The following SPTBN1 variants were observed in gnomAD, a reference collection of about 807,000 sequenced individuals.
SPTBN1 encodes spectrin beta, non-erythrocytic 1, also known as spectrin beta chain, non-erythrocytic 1.
Under a neutral mutation model 266.4 loss-of-function variants are expected in SPTBN1, and 32 were observed. The observed-to-expected ratio is 0.12, with a 90% CI of 0.09 to 0.16. The LOEUF (loss-of-function observed/expected upper bound fraction) is 0.16, where lower values mean the gene tolerates loss of function less well. Among genes scored for constraint, SPTBN1 ranks in the 10% least tolerant of loss-of-function variants. SPTBN1 has a pLI of 1.00. For missense variants in SPTBN1, 2,296 were observed against 3,067.1 expected, an observed-to-expected ratio of 0.75 and a Z score of 5.94; for synonymous variants, 1,336 against 1,162.2, an observed-to-expected ratio of 1.15 and a Z score of -3.04.
chr2:54,531,501 A>G (rs1226895389), intron 2 of SPTBN1, among the ~76,000 whole-genome samples: 1 of 152,070 alleles, frequency 6.6e-6, no homozygotes, highest in Non-Finnish European at 1.5e-5. Flanking sequence ...ATAGCTAACT[A>G]CAGCCTTGAA....
Position 54,653,496 on chromosome 2 carries a change from A to G in SPTBN1, c.5578-113A>G. The G allele has an allele frequency of 6.7e-7, 1 of 1,498,728 alleles. No individual in the cohort carries two copies. The allele number at this position is 1,498,728 out of a possible 1,614,324, so 92.8% of individuals were successfully genotyped here. A position where few individuals can be genotyped will look rare whatever the true frequency, so the allele number is the denominator to read the frequency against. ...GAGGGCTCCTTAAGGGGCATGGGCCATATTTTGACTCTGTGCTCCCTTTAG... is the reference window on the plus strand; with the variant it reads ...GAGGGCTCCTTAAGGGGCATGGGCCGTATTTTGACTCTGTGCTCCCTTTAG... On this transcript the variant is annotated intron_variant, in intron 26 of 35. Transcript: ENST00000356805. This position sits in a 1 kb window ranked among gnomAD's most constrained non-coding sequence, Gnocchi z 5.1.
chr2:54,476,144 T>C (rs1667818199), intron 1 of SPTBN1, among the ~76,000 whole-genome samples: 1 of 152,108 alleles, frequency 6.6e-6, no homozygotes, highest in East Asian at 1.9e-4. Flanking sequence ...ATGCGTATTT[T>C]CCACTCATGT....
At chr2:54,606,098 G>T (rs1676823174) in intron 3 of SPTBN1, among the ~76,000 whole-genome samples, 2 of 152,190 alleles carry the variant, frequency 1.3e-5, no homozygotes, top group Admixed American at 6.5e-5. Flanking sequence ...TTTCCTGTTT[G>T]TGGGGAGGAG....
chr2:54,590,807 CG>C (rs1424816855), intron 2 of SPTBN1, among the ~76,000 whole-genome samples: 1 of 152,138 alleles, frequency 6.6e-6, no homozygotes, highest in Non-Finnish European at 1.5e-5. Flanking sequence ...TAGGAGAGCC[CG>C]TTTGGGACCT....
intron 1 of SPTBN1, among the ~76,000 whole-genome samples, chr2:54,514,665 G>T (rs748568206): frequency 2.0e-5 from 3 of 152,210 alleles, no homozygotes; most frequent in Non-Finnish European, 4.4e-5. Flanking sequence ...CCCATGATAT[G>T]TGAAATTCTA....
chr2:54,585,295 T>C (rs929957874), intron 2 of SPTBN1, among the ~76,000 whole-genome samples: 6 of 152,220 alleles, frequency 3.9e-5, no homozygotes, highest in Non-Finnish European at 8.8e-5. Context: ...AATACTCTTG[T>C]GTTCTATGAA....
In SPTBN1 at chr2:54,649,881, C is replaced by T. The variant is rs908970224; in HGVS notation, c.5469C>T (p.Asp1823=). The part of the protein sequence containing the change: ...DAKEIFGRIQ[D]KHKKLPEELG... ...AGGAGATCTTTGGGCGTATACAGGACAAACACAAGAAACTCCCTGAGGAGC... is the reference window on the plus strand; with the variant it reads ...AGGAGATCTTTGGGCGTATACAGGATAAACACAAGAAACTCCCTGAGGAGC... The change falls in exon 26 of 36, where the codon GAC becomes GAT. Residue 1823 remains aspartate (D), a synonymous_variant. Transcript: ENST00000356805. The surrounding 1 kb of genome is among the most constrained non-coding windows in gnomAD (Gnocchi z 6.7). 1 of 1,614,078 alleles carries T rather than the reference C, an allele frequency of 6.2e-7. No individual in the cohort carries two copies. Among genetic ancestry groups the T allele is most frequent in the Admixed American group, 1.7e-5 (1 of 60,002 alleles).
intron 17 of SPTBN1, 138 bp from the exon 18 acceptor site, chr2:54,637,575 C>G (rs1479073699): frequency 1.5e-6 from 1 of 675,604 alleles, no homozygotes; most frequent in African/African-American, 1.8e-5. Flanking sequence ...TTTATCTTGT[C>G]TCCTTCACAT....
intron 9 of SPTBN1, among the ~76,000 whole-genome samples, chr2:54,622,909 A>G (rs1284288192): frequency 6.6e-6 from 1 of 152,248 alleles, no homozygotes; most frequent in Non-Finnish European, 1.5e-5. Flanking sequence ...AAATATTCAC[A>G]TTGCATTAGA....
rs1321555540 is a variant in SPTBN1 at position 54,466,557 on chromosome 2, G to A, written c.-48+10039G>A. On this transcript the variant is annotated intron_variant, in intron 1 of 35. Transcript: ENST00000356805. The stretch of plus-strand genomic sequence containing the variant: ...AGCCTGGGCGACAGAGCGAGACTCC[G>A]TCTCAAAAAAAAAAAAAAAAAAAAA... Among the ~76,000 whole-genome samples, 2 of 88,766 alleles carry A rather than the reference G, an allele frequency of 2.3e-5. 1 individual carries two copies. Among genetic ancestry groups the A allele is most frequent in the Non-Finnish European group, 4.7e-5 (2 of 42,220 alleles). 58.2% of individuals were successfully genotyped at this position (88,766 alleles called of 152,430 possible). A position where few individuals can be genotyped will look rare whatever the true frequency, so the allele number is the denominator to read the frequency against.
intron 1 of SPTBN1, among the ~76,000 whole-genome samples, chr2:54,459,295 T>C (rs1246004472): frequency 1.3e-5 from 2 of 152,230 alleles, no homozygotes; most frequent in African/African-American, 4.8e-5. Flanking sequence ...AGAACTTCTC[T>C]TGGGCAAGAC....
intron 2 of SPTBN1, among the ~76,000 whole-genome samples, chr2:54,563,543 A>C (rs971530872): frequency 6.7e-6 from 1 of 150,288 alleles, no homozygotes; most frequent in African/African-American, 2.4e-5. Flanking sequence ...CTTAACTCTT[A>C]GAAAGTGAAG....
chr2:54,482,719 A>C (rs1668161437), intron 1 of SPTBN1, among the ~76,000 whole-genome samples: 1 of 152,208 alleles, frequency 6.6e-6, no homozygotes, highest in South Asian at 2.1e-4. Context: ...ATAGATATAG[A>C]ACATTTCCAT....
intron 2 of SPTBN1, among the ~76,000 whole-genome samples, chr2:54,550,930 C>T (rs550016176): frequency 2.0e-5 from 3 of 152,228 alleles, no homozygotes; most frequent in East Asian, 1.9e-4. Flanking sequence ...TATGTCTTGA[C>T]GATGAGATTT....
chr2:54,485,144 GCCTCTC>G lies in SPTBN1; in HGVS notation c.-48+28649_-48+28654del, dbSNP rs1372086150. ...AAAAAATAAAATATTGAAAACAATC[GCCTCTC>G]CCTCTCCCTCTCCCTCTCCCTCCGT... On this transcript the variant is annotated intron_variant, in intron 1 of 35. Coordinates refer to ENST00000356805, the MANE Select transcript of SPTBN1 (RefSeq NM_003128.3). Among the ~76,000 whole-genome samples the G allele has an allele frequency of 1.1e-3, 120 of 104,454 alleles. No homozygotes were observed. The East Asian group carries it at 0.021, about 18-fold the overall frequency. 68.5% of individuals were successfully genotyped at this position (104,454 alleles called of 152,430 possible).
At chr2:54,623,624 C>A in intron 10 of SPTBN1, 28 bp downstream of exon 10, 1 of 1,566,644 alleles carries the variant, frequency 6.4e-7, no homozygotes, top group Non-Finnish European at 8.8e-7. Flanking sequence ...TCTGCATGGG[C>A]CCTGACCTCC....
chr2:54,532,346 G>A (rs1671309626), intron 2 of SPTBN1, among the ~76,000 whole-genome samples: 1 of 152,128 alleles, frequency 6.6e-6, no homozygotes, highest in African/African-American at 2.4e-5. Flanking sequence ...AAAATTTTAT[G>A]TTTATATCCA....
chr2:54,514,043 A>G (rs1669990008), intron 1 of SPTBN1, among the ~76,000 whole-genome samples: 1 of 152,254 alleles, frequency 6.6e-6, no homozygotes, highest in Non-Finnish European at 1.5e-5. Context: ...TACGAGTAGT[A>G]AAGAAGGATA....
intron 2 of SPTBN1, among the ~76,000 whole-genome samples, chr2:54,574,715 G>T (rs1411910129): frequency 6.6e-6 from 1 of 152,184 alleles, no homozygotes; most frequent in Non-Finnish European, 1.5e-5. Context: ...GTGCAGTCTG[G>T]TTTGGAATTG....
Sources: allele counts gnomAD v4.1 joint callset (sites outside exome capture counted in the v4.1 genomes callset), GRCh38; gene constraint gnomAD v4.1.1; non-coding constraint Gnocchi (gnomAD v3.1); transcripts MANE v1.5; gene names NCBI Gene and HGNC (gene_info 2026-07-23, HGNC 2026-07-21).